Variants in HIBCH observed in about 807,000 individuals in gnomAD.
The protein encoded by HIBCH is 3-hydroxyisobutyryl-CoA hydrolase, also known as 3-hydroxyisobutyryl-CoA hydrolase, mitochondrial.
A neutral mutation model predicts 58.2 loss-of-function variants in HIBCH; 50 were observed. The ratio of observed to expected loss-of-function variants is 0.86; its 90% CI spans 0.68 to 1.09. HIBCH has a LOEUF of 1.09. HIBCH is among the 50% of genes least tolerant of loss of function. HIBCH has a pLI of 0.00. For synonymous variants in HIBCH, 151 were observed against 146.9 expected (o/e 1.03, Z -0.20); for missense variants, 450 against 449.7 (o/e 1.00, Z -0.01).
rs1171035841 is a variant in HIBCH, at chr2:190,214,930, A to G, written c.892-1855T>C. On this transcript the variant is annotated intron_variant, in intron 11 of 13. Transcript: ENST00000359678. The surrounding 1 kb of genome is among the most constrained non-coding windows in gnomAD (Gnocchi z 5.5). ...TTAGAACAATGTAAGAAGGACATTG[A>G]GAATTTCCCTATTTCTTCTGAACAG... The G allele has an allele frequency of 6.6e-6, 1 of 152,242 alleles. No individual in the cohort carries two copies. The highest frequency in any genetic ancestry group is 1.9e-4 in the East Asian group (1 of 5,200). 9.4% of individuals were successfully genotyped at this position (152,242 alleles called of 1,614,324 possible).
Position 190,290,494 on chromosome 2 carries a change from GAA to G in HIBCH, c.305-11_305-10del. 6.4e-7 allele frequency: 1 copy of G among 1,561,194 alleles called. No individual in the cohort carries two copies. Among genetic ancestry groups the G allele is most frequent in the East Asian group, 2.2e-5 (1 of 44,568 alleles). On this transcript the variant is annotated splice_polypyrimidine_tract_variant and intron_variant, in intron 4 of 13. Transcript: ENST00000359678. The stretch of plus-strand genomic sequence containing the variant: ...TTCAGCTTCCGAGATCACTAGGAAG[GAA>G]AGATTACAAATAAAAAAAAAAAGAT...
chr2:190,259,769 A>G (rs1021459653), intron 7 of HIBCH, among the ~76,000 whole-genome samples: 2 of 152,130 alleles, frequency 1.3e-5, no homozygotes, highest in Admixed American at 6.6e-5. Context: ...TTTTCCATAT[A>G]TATATAAGAG....
chr2:190,250,648 C>A, intron 8 of HIBCH: 1 of 182,940 alleles, frequency 5.5e-6, no homozygotes, highest in Non-Finnish European at 1.2e-5. Flanking sequence ...TCAAGGGAAG[C>A]ATGAGACTAC....
At chr2:190,252,655 T>A (rs1046169200) in intron 7 of HIBCH, among the ~76,000 whole-genome samples, 14 of 152,084 alleles carry the variant, frequency 9.2e-5, no homozygotes, top group African/African-American at 3.1e-4. Flanking sequence ...TTCAAAAAAA[T>A]TTATTTCCAA....
At position 190,236,499 on chromosome 2, in the gene HIBCH, G is replaced by A. The variant is rs898834541; in HGVS notation, c.891+8388C>T. 6.6e-6 allele frequency among the ~76,000 whole-genome samples: 1 copy of A among 151,978 alleles called. No homozygotes were observed. Among genetic ancestry groups the A allele is most frequent in the African/African-American group, 2.4e-5 (1 of 41,366 alleles). On this transcript the variant is annotated intron_variant, in intron 11 of 13. Coordinates refer to ENST00000359678, the MANE Select transcript of HIBCH (RefSeq NM_014362.4). The surrounding 1 kb of genome is among the most constrained non-coding windows in gnomAD (Gnocchi z 4.1). ...TATAAATCATTTCCAGAAGTGTTCC[G>A]ACTGACAATAAACCAATACAAATAC...
intron 1 of HIBCH, among the ~76,000 whole-genome samples, chr2:190,314,436 C>A (rs1459054511): frequency 6.7e-6 from 1 of 148,636 alleles, no homozygotes; most frequent in African/African-American, 2.5e-5. Context: ...CACACACAAC[C>A]AAATTCCTTG....
chr2:190,299,232 T>A (rs919172046), intron 2 of HIBCH, among the ~76,000 whole-genome samples: 2 of 152,248 alleles, frequency 1.3e-5, no homozygotes, highest in African/African-American at 4.8e-5. Context: ...TTGACTGCAT[T>A]AAGCAACACG....
Position 190,206,485 on chromosome 2 carries a change from G to T in HIBCH, c.1046-1253C>A, listed in dbSNP as rs1343995174. ...AATCAAATTTGTTATTTTATTTCAA[G>T]CTAACAATTTTTTTACTAGAATACA... On this transcript the variant is annotated intron_variant, in intron 13 of 13. Transcript: ENST00000359678. The surrounding 1 kb of genome is among the most constrained non-coding windows in gnomAD (Gnocchi z 5.1). 6.6e-6 allele frequency among the ~76,000 whole-genome samples: 1 copy of T among 152,146 alleles called. No individual in the cohort carries two copies. The highest frequency in any genetic ancestry group is 1.5e-5 in the Non-Finnish European group (1 of 68,012).
chr2:190,240,447 G>A (rs1686416883), intron 11 of HIBCH, among the ~76,000 whole-genome samples: 1 of 152,040 alleles, frequency 6.6e-6, no homozygotes, highest in Admixed American at 6.6e-5. Flanking sequence ...ACCAGCTCCT[G>A]GATTCACTGA....
intron 11 of HIBCH, among the ~76,000 whole-genome samples, chr2:190,226,009 C>T (rs763011026): frequency 5.9e-5 from 9 of 152,178 alleles, no homozygotes; most frequent in Non-Finnish European, 1.3e-4. Flanking sequence ...ACAAAAACCA[C>T]ATGATTATCT....
chr2:190,277,976 A>G lies in HIBCH; in HGVS notation c.438+9610T>C, dbSNP rs184850564. Among the ~76,000 whole-genome samples, 129 of 152,336 alleles carry G rather than the reference A, an allele frequency of 8.5e-4. 1 individual carries two copies. The highest frequency in any genetic ancestry group is 3.1e-3 in the African/African-American group (127 of 41,570). On this transcript the variant is annotated intron_variant, in intron 6 of 13. Coordinates refer to ENST00000359678, the MANE Select transcript of HIBCH (RefSeq NM_014362.4). Reference sequence around the variant, plus strand: ...AAGATTTTCTTTTAACAGATTAAAAATGTATATATACTAAGCCTACACTAA... The same window carrying G: ...AAGATTTTCTTTTAACAGATTAAAAGTGTATATATACTAAGCCTACACTAA...
intron 6 of HIBCH, among the ~76,000 whole-genome samples, chr2:190,264,868 A>T (rs2105956421): frequency 6.6e-6 from 1 of 152,204 alleles, no homozygotes; most frequent in African/African-American, 2.4e-5. Context: ...AATGCCTATA[A>T]TCCCAGCACT....
chr2:190,237,337 C>A (rs930181965), intron 11 of HIBCH, among the ~76,000 whole-genome samples: 1 of 152,180 alleles, frequency 6.6e-6, no homozygotes, highest in African/African-American at 2.4e-5. Context: ...CATCCACCAT[C>A]TTTTGTTGAC....
chr2:190,298,501 G>T (rs1488710868), intron 2 of HIBCH, among the ~76,000 whole-genome samples: 1 of 152,128 alleles, frequency 6.6e-6, no homozygotes, highest in East Asian at 1.9e-4. Flanking sequence ...CTAATGACCA[G>T]TAATAATGAG....
intron 5 of HIBCH, among the ~76,000 whole-genome samples, chr2:190,288,839 G>A (rs1342170790): frequency 6.6e-6 from 1 of 152,036 alleles, no homozygotes; most frequent in African/African-American, 2.4e-5. Flanking sequence ...CACACCAGGT[G>A]CGTGGCTCAT....
At chr2:190,219,482 T>A (rs149871285) in intron 11 of HIBCH, among the ~76,000 whole-genome samples, 19 of 152,268 alleles carry the variant, frequency 1.2e-4, no homozygotes, top group African/African-American at 4.3e-4. Context: ...ACCAAAGAAT[T>A]TGAGTCTAAA....
In HIBCH at chr2:190,250,998, T is replaced by G. The variant is rs115368876; in HGVS notation, c.663+1164A>C. ...TGGGGGACTCACATGATAGTCTAAC[T>G]GTCAGTATAATCTCTGGCATCCTTA... On this transcript the variant is annotated intron_variant, in intron 8 of 13. Coordinates refer to ENST00000359678, the MANE Select transcript of HIBCH (RefSeq NM_014362.4). Among the ~76,000 whole-genome samples, 1,017 of 152,292 alleles carry G rather than the reference T, an allele frequency of 6.7e-3. 12 individuals carry two copies. Among genetic ancestry groups the G allele is most frequent in the African/African-American group, 0.022 (922 of 41,558 alleles).
intron 1 of HIBCH, among the ~76,000 whole-genome samples, chr2:190,196,935 A>G (rs1047509694): frequency 6.6e-6 from 1 of 152,156 alleles, no homozygotes; most frequent in Non-Finnish European, 1.5e-5. Flanking sequence ...AATCAGTCAC[A>G]CAGATTTATT....
At position 190,197,106 on chromosome 2, in the gene HIBCH, C is replaced by CT. The variant is rs1482774286; in HGVS notation, c.*18-7110dup. 6.6e-6 allele frequency among the ~76,000 whole-genome samples: 1 copy of CT among 152,138 alleles called. No homozygotes were observed. The highest frequency in any genetic ancestry group is 6.5e-5 in the Admixed American group (1 of 15,276). ...TCTCTTTTATGAGAGCACTAAAACT[C>CT]TAATATCATCACCCAAAGGCCCCAC... On this transcript the variant is annotated intron_variant, in intron 1 of 1. Transcript: ENST00000399855. The surrounding 1 kb of genome is among the most constrained non-coding windows in gnomAD (Gnocchi z 4.0).
Sources: gnomAD v4.1 joint callset for allele counts (sites outside exome capture counted in the v4.1 genomes callset) on GRCh38, gnomAD v4.1.1 for gene constraint, Gnocchi (gnomAD v3.1) non-coding constraint, MANE v1.5 for transcripts, NCBI Gene and HGNC (gene_info 2026-07-23, HGNC 2026-07-21) for gene names.